The following BRMS1L variants were observed in gnomAD, a reference collection of about 807,000 sequenced individuals.
The protein encoded by BRMS1L is BRMS1 like transcriptional repressor.
BRMS1L carries 23 observed loss-of-function variants against 50.3 expected under a neutral mutation model. The ratio of observed to expected loss-of-function variants is 0.46; its 90% CI spans 0.33 to 0.65. The LOEUF (loss-of-function observed/expected upper bound fraction) is 0.65, where lower values mean the gene tolerates loss of function less well. Among genes scored for constraint, BRMS1L ranks in the 30% least tolerant of loss-of-function variants. The pLI is 0.02. For missense variants in BRMS1L, 286 were observed against 386.1 expected (o/e 0.74, Z 2.17); for synonymous variants, 114 against 126.9 (o/e 0.90, Z 0.69).
chr14:35,826,455 T>C lies in BRMS1L; in HGVS notation c.-62T>C. 1 of 1,549,114 alleles carries C rather than the reference T, an allele frequency of 6.5e-7. No individual in the cohort carries two copies. On this transcript the variant is annotated 5_prime_UTR_variant, in exon 1 of 10. Coordinates refer to ENST00000216807, the MANE Select transcript of BRMS1L (RefSeq NM_032352.4). ...TGGGTTGGGGCGTTCCGCGCGCCCTTCATTGAAGCGGCGGTGGCCGGGCTG... is the reference window on the plus strand; with the variant it reads ...TGGGTTGGGGCGTTCCGCGCGCCCTCCATTGAAGCGGCGGTGGCCGGGCTG...
At chr14:35,845,488 A>G (rs376234581) in intron 4 of BRMS1L, among the ~76,000 whole-genome samples, 2 of 152,090 alleles carry the variant, frequency 1.3e-5, no homozygotes, top group Non-Finnish European at 2.9e-5. Context: ...CTCATGATCT[A>G]TTGCTGTGGT....
At chr14:35,848,922 G>GTGAA (rs1301170481) in intron 4 of BRMS1L, among the ~76,000 whole-genome samples, 1 of 152,174 alleles carries the variant, frequency 6.6e-6, no homozygotes, top group Non-Finnish European at 1.5e-5. Context: ...TAATGCTGTA[G>GTGAA]TGAACATGGG....
chr14:35,856,618 G>A (rs950040270), intron 4 of BRMS1L, among the ~76,000 whole-genome samples: 4 of 151,410 alleles, frequency 2.6e-5, no homozygotes, highest in Non-Finnish European at 5.9e-5. Context: ...TTTTGGGGGG[G>A]GGTTTGTTTT....
intron 4 of BRMS1L, among the ~76,000 whole-genome samples, chr14:35,859,335 A>C (rs1466724835): frequency 6.6e-6 from 1 of 152,180 alleles, no homozygotes; most frequent in Non-Finnish European, 1.5e-5. Flanking sequence ...AAACCACCAC[A>C]TCTTTCCTGT....
intron 1 of BRMS1L, among the ~76,000 whole-genome samples, chr14:35,828,270 T>G (rs1309130260): frequency 6.9e-6 from 1 of 144,666 alleles, no homozygotes; most frequent in African/African-American, 2.6e-5. Flanking sequence ...CCTCCTGGGT[T>G]CAAGCAATTC....
intron 1 of BRMS1L, chr14:35,829,716 T>G (rs2077893495): frequency 1.7e-6 from 1 of 597,028 alleles, no homozygotes; most frequent in Middle Eastern, 3.1e-4. Flanking sequence ...TTTAATCTGT[T>G]TTAGAAAATG....
chr14:35,835,613 C>T (rs144467968), intron 4 of BRMS1L, among the ~76,000 whole-genome samples: 16 of 151,978 alleles, frequency 1.1e-4, no homozygotes, highest in African/African-American at 2.9e-4. Flanking sequence ...GAGGCTGAGG[C>T]GAGAGGATTT....
At chr14:35,840,464 C>T (rs1299508825) in intron 4 of BRMS1L, among the ~76,000 whole-genome samples, 1 of 152,028 alleles carries the variant, frequency 6.6e-6, no homozygotes, top group African/African-American at 2.4e-5. Context: ...CTCTTTGTAC[C>T]TCTAGTAGAA....
chr14:35,840,306 A>G (rs1055115717), intron 4 of BRMS1L, among the ~76,000 whole-genome samples: 1 of 152,148 alleles, frequency 6.6e-6, no homozygotes, highest in African/African-American at 2.4e-5. Context: ...ATCGATGTTT[A>G]TCAGGGATAT....
intron 9 of BRMS1L, 122 bp downstream of exon 9, chr14:35,868,154 C>A: frequency 1.1e-6 from 1 of 917,470 alleles, no homozygotes; most frequent in Non-Finnish European, 1.6e-6. Flanking sequence ...ATCCTTTTTT[C>A]ACTTGACATA....
intron 1 of BRMS1L, among the ~76,000 whole-genome samples, chr14:35,830,474 C>T (rs2077904932): frequency 6.6e-6 from 1 of 152,098 alleles, no homozygotes; most frequent in African/African-American, 2.4e-5. Flanking sequence ...CCTCCCACTT[C>T]GGTCTCTCGA....
intron 4 of BRMS1L, among the ~76,000 whole-genome samples, chr14:35,851,973 C>T (rs1021131526): frequency 6.6e-6 from 1 of 152,130 alleles, no homozygotes; most frequent in Non-Finnish European, 1.5e-5. Flanking sequence ...TTTCAGGGCT[C>T]CCTATTCTGT....
Position 35,831,373 on chromosome 14 carries a change from T to A in BRMS1L, c.143-37T>A, listed in dbSNP as rs757679249. ...TGAGATGTTCAGATAAATTTGAAAA[T>A]TAAGTTTATCTTTTATATTTGCCTT... is the stretch of plus-strand genomic sequence containing the variant. On this transcript the variant is annotated intron_variant, in intron 1 of 9. Transcript: ENST00000216807. 3 of 1,484,716 alleles carry A rather than the reference T, an allele frequency of 2.0e-6. No homozygotes were observed. In the East Asian group the frequency reaches 6.8e-5, roughly 34 times the overall value. The allele number at this position is 1,484,716 out of a possible 1,614,324, so 92.0% of individuals were successfully genotyped here.
intron 1 of BRMS1L, among the ~76,000 whole-genome samples, chr14:35,829,635 G>A (rs1362607414): frequency 6.6e-6 from 1 of 152,188 alleles, no homozygotes; most frequent in African/African-American, 2.4e-5. Context: ...CAGAGAACTT[G>A]GATAGTGAGT....
Position 35,868,002 on chromosome 14 carries a change from G to A in BRMS1L, c.824G>A (p.Cys275Tyr), listed in dbSNP as rs1329975419. 1 of 1,603,628 alleles carries A rather than the reference G, an allele frequency of 6.2e-7. No homozygotes were observed. The highest frequency in any genetic ancestry group is 8.5e-7 in the Non-Finnish European group (1 of 1,177,044). ...TGGTATATACGTGGACAAACAATAT[G>A]TATTGATAAAAAAGATGAATGTCCT... Reference protein sequence around the residue: ...GEWYIRGQTICIDKKDECPTS... With the variant: ...GEWYIRGQTIYIDKKDECPTS... The change falls in exon 9 of 10, where the codon TGT becomes TAT. Residue 275 changes from cysteine to tyrosine, a missense_variant. Cys to Tyr is a radical substitution (Grantham distance 194). Around this residue, in one of 5 missense-constraint regions of BRMS1L, gnomAD observed 49 missense variants for 39.1 expected, o/e 1.25. Coordinates refer to ENST00000216807, the MANE Select transcript of BRMS1L (RefSeq NM_032352.4).
chr14:35,833,183 G>A (rs2077947511), intron 3 of BRMS1L, 78 bp downstream of exon 3: 1 of 1,403,422 alleles, frequency 7.1e-7, no homozygotes, highest in Admixed American at 2.3e-5. Context: ...TCAAGTAAGT[G>A]TTTTATGTTG....
Position 35,831,485 on chromosome 14 carries a change from C to T in BRMS1L, c.218C>T (p.Thr73Ile). ...ATGTCCAATCTTGAAAAACAGTTTA[C>T]CGATCTCAAAGATCAGTAAGTAGTG... ...DEMSNLEKQFTDLKDQLYKER... is the reference protein window; with the variant it reads ...DEMSNLEKQFIDLKDQLYKER... The change falls in exon 2 of 10, where the codon ACC becomes ATC. Residue 73 changes from threonine to isoleucine, a missense_variant. By Grantham distance (89) the Thr-to-Ile change is moderately conservative. This residue lies in a region of BRMS1L where 160 missense variants were observed against 240.6 expected (regional missense o/e 0.66). Transcript: ENST00000216807. The T allele has an allele frequency of 2.5e-6, 4 of 1,613,162 alleles. No individual in the cohort carries two copies. Among genetic ancestry groups the T allele is most frequent in the Non-Finnish European group, 2.5e-6 (3 of 1,179,318 alleles).
chr14:35,862,572 A>G lies in BRMS1L; in HGVS notation c.442-18A>G. 6.5e-7 allele frequency: 1 copy of G among 1,542,898 alleles called. No individual in the cohort carries two copies. Among genetic ancestry groups the G allele is most frequent in the Non-Finnish European group, 8.8e-7 (1 of 1,142,320 alleles). On this transcript the variant is annotated intron_variant, in intron 4 of 9. Coordinates refer to ENST00000216807, the MANE Select transcript of BRMS1L (RefSeq NM_032352.4). The stretch of plus-strand genomic sequence containing the variant: ...ATTTTTTTCTTTCTACTTAAGTATA[A>G]TCTGTTTTTCTCCCCAGAGCGAAAA...
chr14:35,836,868 A>G (rs956115032), intron 4 of BRMS1L, among the ~76,000 whole-genome samples: 4 of 151,846 alleles, frequency 2.6e-5, no homozygotes, highest in African/African-American at 9.7e-5. Context: ...CTTCCTATCC[A>G]TGAGCATGGA....
Sources: gnomAD v4.1 joint callset for allele counts (sites outside exome capture counted in the v4.1 genomes callset) on GRCh38, gnomAD v4.1.1 for gene constraint, gnomAD v4.1.1 regional missense constraint, MANE v1.5 for transcripts, NCBI Gene and HGNC (gene_info 2026-07-23, HGNC 2026-07-21) for gene names.